Variants in PDE10A observed in about 807,000 individuals in gnomAD.
PDE10A encodes cAMP and cAMP-inhibited cGMP 3',5'-cyclic phosphodiesterase 10A.
PDE10A carries 39 observed loss-of-function variants against 97.7 expected under a neutral mutation model. The observed-to-expected ratio is 0.40, with a 90% CI of 0.31 to 0.52. PDE10A has a LOEUF of 0.52. PDE10A is among the 20% of genes least tolerant of loss of function. PDE10A has a pLI of 0.56. For missense variants in PDE10A, 731 were observed against 1,047.8 expected, an observed-to-expected ratio of 0.70 and a Z score of 4.17; for synonymous variants, 371 against 376.8, an observed-to-expected ratio of 0.98 and a Z score of 0.18.
chr6:165,558,035 A>G (rs1301676449), intron 1 of PDE10A, among the ~76,000 whole-genome samples: 2 of 152,204 alleles, frequency 1.3e-5, no homozygotes, highest in Non-Finnish European at 2.9e-5. Context: ...TGCCTAACCT[A>G]TGGAGCGTGG....
intron 13 of PDE10A, among the ~76,000 whole-genome samples, chr6:165,410,490 G>C (rs1046484147): frequency 2.4e-4 from 12 of 49,356 alleles, no homozygotes; most frequent in African/African-American, 2.4e-3. Flanking sequence ...AAATGAGATG[G>C]CTAGAGCATT....
chr6:165,536,471 A>T (rs2128318380), intron 2 of PDE10A, among the ~76,000 whole-genome samples: 1 of 152,002 alleles, frequency 6.6e-6, no homozygotes, highest in East Asian at 1.9e-4. Context: ...GATCACCTCA[A>T]GCTTAAAAAC....
intron 18 of PDE10A, among the ~76,000 whole-genome samples, chr6:165,370,322 T>C (rs1583136069): frequency 6.8e-6 from 1 of 147,406 alleles, no homozygotes; most frequent in Admixed American, 6.8e-5. Flanking sequence ...GTGTGCTGTA[T>C]TCAGGAAACC....
At chr6:165,848,622 T>C (rs1011022720) in intron 1 of PDE10A, among the ~76,000 whole-genome samples, 2 of 152,250 alleles carry the variant, frequency 1.3e-5, no homozygotes, top group East Asian at 3.9e-4. Context: ...GTGGTGATGC[T>C]CCACTATACA....
chr6:165,642,908 ATT>A lies in PDE10A; in HGVS notation c.865+19037_865+19038del, dbSNP rs57377717. On this transcript the variant is annotated intron_variant, in intron 1 of 21. Coordinates refer to ENST00000539869, the MANE Select transcript of PDE10A (RefSeq NM_001385079.1). ...AGTTGTGAATGATGTATGTTCTCACATTTTTTTTTTTACGGCAAATATGCCTC... is the reference window on the plus strand; with the variant it reads ...AGTTGTGAATGATGTATGTTCTCACATTTTTTTTTACGGCAAATATGCCTC... Among the ~76,000 whole-genome samples the A allele has an allele frequency of 3.4e-5, 5 of 148,546 alleles. No homozygotes were observed. In the East Asian group the frequency reaches 5.9e-4, roughly 17 times the overall value.
At chr6:165,361,524 G>C (rs184002349) in intron 18 of PDE10A, among the ~76,000 whole-genome samples, 1 of 152,300 alleles carries the variant, frequency 6.6e-6, no homozygotes. Flanking sequence ...TATAGAAATA[G>C]TGTTCTTCCA....
intron 2 of PDE10A, among the ~76,000 whole-genome samples, chr6:165,508,283 GC>G: frequency 6.6e-6 from 1 of 152,072 alleles, no homozygotes; most frequent in East Asian, 1.9e-4. Context: ...ACATTGCATT[GC>G]CTAGAGTGTT....
chr6:165,390,753 G>A (rs895355537), intron 16 of PDE10A, among the ~76,000 whole-genome samples: 6 of 152,144 alleles, frequency 3.9e-5, no homozygotes, highest in African/African-American at 1.4e-4. Context: ...GTTCTCACAG[G>A]TACATTTTTA....
At chr6:165,375,611 A>G (rs146537688) in intron 18 of PDE10A, among the ~76,000 whole-genome samples, 2 of 152,350 alleles carry the variant, frequency 1.3e-5, no homozygotes, top group African/African-American at 2.4e-5. Context: ...GCTCAACTAA[A>G]TAACAGATTT....
chr6:165,898,008 T>C (rs1782003330), intron 1 of PDE10A, among the ~76,000 whole-genome samples: 1 of 151,744 alleles, frequency 6.6e-6, no homozygotes. Context: ...TTAGCCCCTG[T>C]AACCCACCCC....
At chr6:165,704,953 A>T (rs1459922940) in intron 1 of PDE10A, among the ~76,000 whole-genome samples, 1 of 152,206 alleles carries the variant, frequency 6.6e-6, no homozygotes, top group Non-Finnish European at 1.5e-5. Context: ...ACTGCCTTCC[A>T]CATCTTCCCC....
chr6:165,941,772 T>C (rs1783531513), intron 1 of PDE10A, among the ~76,000 whole-genome samples: 1 of 152,212 alleles, frequency 6.6e-6, no homozygotes, highest in African/African-American at 2.4e-5. Context: ...CATGCAGAGC[T>C]GTGGGTCAAT....
chr6:165,970,043 A>G (rs1437817894), intron 1 of PDE10A, among the ~76,000 whole-genome samples: 1 of 152,270 alleles, frequency 6.6e-6, no homozygotes, highest in Non-Finnish European at 1.5e-5. Context: ...GTAATAGGAC[A>G]AATGGACACA....
chr6:165,369,729 G>A (rs9459389), intron 18 of PDE10A, among the ~76,000 whole-genome samples: 48,585 of 122,066 alleles, frequency 0.4, 10,458 homozygotes, highest in African/African-American at 0.56. Context: ...TACAGAGAAC[G>A]CCACAAAGAT....
At chr6:165,983,574 A>C (rs888995280) in intron 1 of PDE10A, among the ~76,000 whole-genome samples, 1 of 152,242 alleles carries the variant, frequency 6.6e-6, no homozygotes, top group African/African-American at 2.4e-5. Flanking sequence ...ACTACCACTG[A>C]AAGTTAATTT....
chr6:165,982,935 T>A (rs1337199768), intron 1 of PDE10A, among the ~76,000 whole-genome samples: 1 of 152,228 alleles, frequency 6.6e-6, no homozygotes, highest in African/African-American at 2.4e-5. Context: ...CAATTTTCTT[T>A]AAGTTACAAA....
intron 3 of PDE10A, among the ~76,000 whole-genome samples, chr6:165,466,542 A>C (rs1257019878): frequency 6.6e-6 from 1 of 152,220 alleles, no homozygotes; most frequent in Non-Finnish European, 1.5e-5. Flanking sequence ...CCTGCATCAA[A>C]AAATTCCATC....
chr6:165,404,284 G>A (rs1162742148), intron 13 of PDE10A, among the ~76,000 whole-genome samples: 1 of 152,118 alleles, frequency 6.6e-6, no homozygotes, highest in Non-Finnish European at 1.5e-5. Context: ...CCATCGCAGG[G>A]TGTGGCTTGA....
upstream of PDE10A, among the ~76,000 whole-genome samples, chr6:165,664,857 A>G (rs933365280): frequency 9.9e-5 from 15 of 152,248 alleles, no homozygotes; most frequent in African/African-American, 1.7e-4. Flanking sequence ...AAGTTTCTTT[A>G]TTTGCATTTT....
Sources: allele counts gnomAD v4.1 joint callset (sites outside exome capture counted in the v4.1 genomes callset), GRCh38; gene constraint gnomAD v4.1.1; transcripts MANE v1.5; gene names NCBI Gene and HGNC (gene_info 2026-07-23, HGNC 2026-07-21).